MAGI2: variants seen among roughly 807,000 people sequenced by gnomAD.
MAGI2 encodes the protein membrane-associated guanylate kinase, WW and PDZ domain-containing protein 2.
MAGI2 carries 35 observed loss-of-function variants against 133.3 expected under a neutral mutation model. The ratio of observed to expected loss-of-function variants is 0.26; its 90% CI spans 0.20 to 0.35. MAGI2 has a LOEUF of 0.35. MAGI2 is among the 10% of genes least tolerant of loss of function. MAGI2 has a pLI of 1.00. For missense variants in MAGI2, 1,636 were observed against 1,863.4 expected, an observed-to-expected ratio of 0.88 and a Z score of 2.25; for synonymous variants, 729 against 710.6, an observed-to-expected ratio of 1.03 and a Z score of -0.41.
intron 3 of MAGI2, among the ~76,000 whole-genome samples, chr7:78,570,419 TGAAG>T (rs1183234136): frequency 5.3e-5 from 8 of 152,044 alleles, no homozygotes; most frequent in Non-Finnish European, 8.8e-5. Context: ...ATAAATGGAA[TGAAG>T]GAAGTGGGGA....
At chr7:78,419,616 T>C (rs1019720732) in intron 6 of MAGI2, among the ~76,000 whole-genome samples, 1 of 151,804 alleles carries the variant, frequency 6.6e-6, no homozygotes, top group African/African-American at 2.4e-5. Flanking sequence ...TTTTTTTTTT[T>C]TTTTTAAGGG....
intron 2 of MAGI2, among the ~76,000 whole-genome samples, chr7:78,765,638 C>T (rs570021374): frequency 4.1e-4 from 62 of 152,138 alleles, no homozygotes; most frequent in Admixed American, 1.0e-3. Flanking sequence ...TGAGCCATAA[C>T]GCCCGGCCCT....
chr7:79,453,114 C>G lies in MAGI2; in HGVS notation c.207G>C (p.Val69=), dbSNP rs774308910. ...KLVSEELLLE[V]NETPVAGLTI... ...TGAGCCCCGCCACGGGGGTCTCGTT[C>G]ACCTCCAGCAGCAGCTCCTCCGACA... The change falls in exon 1 of 22, where the codon GTG becomes GTC. Residue 69 remains valine (V), a synonymous_variant. Transcript: ENST00000354212. The G allele has an allele frequency of 2.5e-6, 4 of 1,613,954 alleles. No individual in the cohort carries two copies. Among genetic ancestry groups the G allele is most frequent in the Non-Finnish European group, 3.4e-6 (4 of 1,180,028 alleles).
intron 6 of MAGI2, among the ~76,000 whole-genome samples, chr7:78,482,907 A>C (rs990257680): frequency 6.7e-6 from 1 of 150,062 alleles, no homozygotes; most frequent in African/African-American, 2.5e-5. Context: ...ACACACACAC[A>C]CACACACACA....
At chr7:78,432,914 A>T (rs1395998532) in intron 6 of MAGI2, among the ~76,000 whole-genome samples, 1 of 152,084 alleles carries the variant, frequency 6.6e-6, no homozygotes, top group Non-Finnish European at 1.5e-5. Context: ...ATCTAATATC[A>T]GATAATGGTA....
chr7:78,064,328 TTGTG>T (rs3840609), intron 21 of MAGI2, among the ~76,000 whole-genome samples: 36 of 148,586 alleles, frequency 2.4e-4, no homozygotes, highest in Middle Eastern at 3.5e-3. Flanking sequence ...TGTGATGGTT[TTGTG>T]TGTGTGTGTG....
chr7:79,396,487 C>T (rs1286960077), intron 1 of MAGI2, among the ~76,000 whole-genome samples: 1 of 152,132 alleles, frequency 6.6e-6, no homozygotes, highest in Non-Finnish European at 1.5e-5. Context: ...CTTGAGTTCA[C>T]TTCTTTAAAC....
chr7:78,498,463 G>T (rs939612409), intron 5 of MAGI2, among the ~76,000 whole-genome samples: 2 of 152,188 alleles, frequency 1.3e-5, no homozygotes, highest in African/African-American at 4.8e-5. Flanking sequence ...ATGACAATGG[G>T]TGGGAATGTT....
intron 4 of MAGI2, among the ~76,000 whole-genome samples, chr7:78,503,993 A>G (rs920805771): frequency 2.0e-5 from 3 of 152,092 alleles, no homozygotes; most frequent in African/African-American, 4.8e-5. Flanking sequence ...TATGGAAGAA[A>G]TAAATTCTGG....
intron 9 of MAGI2, among the ~76,000 whole-genome samples, chr7:78,321,020 T>A (rs531636391): frequency 3.9e-5 from 6 of 152,172 alleles, no homozygotes; most frequent in Non-Finnish European, 8.8e-5. Flanking sequence ...CCATTCACAA[T>A]TGCTACAAAG....
Position 78,309,563 on chromosome 7 carries a change from G to A in MAGI2, c.1408+34215C>T, listed in dbSNP as rs574682730. Among the ~76,000 whole-genome samples, 16 of 150,344 alleles carry A rather than the reference G, an allele frequency of 1.1e-4. No individual in the cohort carries two copies. In the South Asian group the frequency reaches 3.2e-3, roughly 30 times the overall value. ...AGGGAAAGGACTGAAAACTAGCATA[G>A]TGGGTACTATGCTCACTACTTGGGT... On this transcript the variant is annotated intron_variant, in intron 9 of 21. Coordinates refer to ENST00000354212, the MANE Select transcript of MAGI2 (RefSeq NM_012301.4).
At chr7:78,979,353 C>T (rs1020763069) in intron 2 of MAGI2, among the ~76,000 whole-genome samples, 1 of 151,594 alleles carries the variant, frequency 6.6e-6, no homozygotes, top group Non-Finnish European at 1.5e-5. Context: ...CAAAAAAGTC[C>T]CCCCCCAGCC....
chr7:79,366,870 A>C (rs944024390), intron 1 of MAGI2, among the ~76,000 whole-genome samples: 2 of 152,236 alleles, frequency 1.3e-5, no homozygotes, highest in Admixed American at 1.3e-4. Context: ...GCAGATAATT[A>C]ATTCCTAATA....
intron 6 of MAGI2, among the ~76,000 whole-genome samples, chr7:78,472,948 T>G (rs1032476250): frequency 4.6e-5 from 7 of 152,090 alleles, no homozygotes; most frequent in African/African-American, 1.7e-4. Context: ...GGTCACCAAC[T>G]GAGGAACCAC....
chr7:78,332,623 G>A (rs964782060), intron 9 of MAGI2, among the ~76,000 whole-genome samples: 14 of 150,610 alleles, frequency 9.3e-5, no homozygotes, highest in East Asian at 2.0e-4. Flanking sequence ...GTGTGAACCC[G>A]GGAGGCAGAG....
At chr7:78,712,016 C>A (rs910875272) in intron 2 of MAGI2, among the ~76,000 whole-genome samples, 1 of 152,132 alleles carries the variant, frequency 6.6e-6, no homozygotes. Context: ...AGTTTTAAGA[C>A]CTTCCTCCAC....
intron 2 of MAGI2, among the ~76,000 whole-genome samples, chr7:78,841,054 T>C (rs1361240567): frequency 2.0e-5 from 3 of 152,038 alleles, no homozygotes; most frequent in Non-Finnish European, 4.4e-5. Context: ...AAGCATACTT[T>C]GTCCTCCATT....
intron 2 of MAGI2, among the ~76,000 whole-genome samples, chr7:78,759,626 TA>T (rs1357625283): frequency 6.6e-6 from 1 of 152,196 alleles, no homozygotes; most frequent in Non-Finnish European, 1.5e-5. Context: ...TTAGTTGTAT[TA>T]AAGAATGATG....
intron 1 of MAGI2, among the ~76,000 whole-genome samples, chr7:79,133,303 T>C (rs1289722628): frequency 1.3e-5 from 2 of 152,196 alleles, no homozygotes; most frequent in African/African-American, 2.4e-5. Flanking sequence ...CAGTCTTTGA[T>C]CCATCATGAG....
Sources: allele counts gnomAD v4.1 joint callset (sites outside exome capture counted in the v4.1 genomes callset), GRCh38; gene constraint gnomAD v4.1.1; transcripts MANE v1.5; gene names NCBI Gene and HGNC (gene_info 2026-07-23, HGNC 2026-07-21).